Variants in CUL2 observed in about 807,000 individuals in gnomAD.
CUL2 encodes cullin 2.
CUL2 carries 22 observed loss-of-function variants against 110.2 expected under a neutral mutation model. The observed-to-expected ratio is 0.20, with a 90% CI of 0.14 to 0.28. The LOEUF is 0.28. Among genes scored for constraint, CUL2 ranks in the 10% least tolerant of loss-of-function variants. CUL2 has a pLI of 1.00. For synonymous variants in CUL2, 279 were observed against 293.2 expected (o/e 0.95, Z 0.49); for missense variants, 631 against 905.5 (o/e 0.70, Z 3.89).
In CUL2 at chr10:35,035,201, G is replaced by C. The variant is rs769857219; in HGVS notation, c.973C>G (p.Arg325Gly). The change falls in exon 10 of 21, where the codon CGA becomes GGA. Residue 325 changes from arginine (R) to glycine (G), a missense_variant. Physicochemically the swap from Arg to Gly is moderately radical, Grantham distance 125 (BLOSUM62 -2). Transcript: ENST00000374749. ...LQNHIHDEGL[R>G]ATSNLTQENM... Reference sequence around the variant, plus strand: ...TCCTGAGTAAGGTTGCTGGTTGCTCGAAGGCCCTCATCATGGATGTGGTTT... The same window carrying C: ...TCCTGAGTAAGGTTGCTGGTTGCTCCAAGGCCCTCATCATGGATGTGGTTT... The C allele has an allele frequency of 6.2e-7, 1 of 1,614,154 alleles. No individual in the cohort carries two copies. The highest frequency in any genetic ancestry group is 1.7e-4 in the Middle Eastern group (1 of 6,060).
chr10:35,105,439 CA>C (rs1474268639), intron 1 of CUL2, among the ~76,000 whole-genome samples: 2 of 143,012 alleles, frequency 1.4e-5, no homozygotes, highest in Non-Finnish European at 3.1e-5. Context: ...AAACAAAAAA[CA>C]AAAAACTAAG....
At chr10:35,030,550 CTT>C (rs2085454737) in intron 14 of CUL2, among the ~76,000 whole-genome samples, 1 of 152,026 alleles carries the variant, frequency 6.6e-6, no homozygotes, top group South Asian at 2.1e-4. Context: ...GCCCAGCTAA[CTT>C]TTGTATTTTT....
rs564434981 is a variant in CUL2, at chr10:35,051,143, A to G, written c.424-1378T>C. ...ATCCTGGCTAACAGGGTGAAACCCC[A>G]TCTCTACTAAAAATACAAAAAATTA... On this transcript the variant is annotated intron_variant, in intron 5 of 20. Transcript: ENST00000374749. Among the ~76,000 whole-genome samples, 12 of 143,718 alleles carry G rather than the reference A, an allele frequency of 8.3e-5. No individual in the cohort carries two copies. In the East Asian group the frequency reaches 8.6e-4, roughly 10 times the overall value. 94.3% of individuals were successfully genotyped at this position (143,718 alleles called of 152,430 possible). A position where few individuals can be genotyped will look rare whatever the true frequency, so the allele number is the denominator to read the frequency against.
At chr10:35,115,846 T>C (rs867744645) in intron 1 of CUL2, among the ~76,000 whole-genome samples, 3 of 151,870 alleles carry the variant, frequency 2.0e-5, no homozygotes, top group Admixed American at 6.6e-5. Flanking sequence ...TGAGCCGAGA[T>C]TGCGCCACTG....
At chr10:35,105,489 G>A (rs540632775) in intron 1 of CUL2, among the ~76,000 whole-genome samples, 1 of 150,218 alleles carries the variant, frequency 6.7e-6, no homozygotes, top group East Asian at 2.0e-4. Flanking sequence ...CAGTAATCCC[G>A]CACTTTGGGA....
chr10:35,061,631 T>C (rs1308189683), intron 3 of CUL2, among the ~76,000 whole-genome samples: 3 of 152,210 alleles, frequency 2.0e-5, no homozygotes, highest in African/African-American at 7.2e-5. Flanking sequence ...ACACACTTGC[T>C]ATCAAAAGCA....
chr10:35,044,281 T>C (rs1187609884), intron 8 of CUL2, among the ~76,000 whole-genome samples: 1 of 152,134 alleles, frequency 6.6e-6, no homozygotes, highest in Non-Finnish European at 1.5e-5. Context: ...CTGATTATTC[T>C]GCCAAGAATG....
At chr10:35,050,572 T>C (rs988519309) in intron 5 of CUL2, among the ~76,000 whole-genome samples, 2 of 152,210 alleles carry the variant, frequency 1.3e-5, no homozygotes, top group Admixed American at 6.5e-5. Flanking sequence ...TCATTACCAT[T>C]GTCCCAGATA....
At chr10:35,123,935 T>C (rs1378666097) in intron 1 of CUL2, among the ~76,000 whole-genome samples, 2 of 152,226 alleles carry the variant, frequency 1.3e-5, no homozygotes, top group Non-Finnish European at 2.9e-5. Flanking sequence ...TAGAAGATGA[T>C]GTCCAAGGAC....
chr10:35,077,817 CAAAA>C (rs200796040), intron 1 of CUL2, among the ~76,000 whole-genome samples: 1 of 107,128 alleles, frequency 9.3e-6, no homozygotes, highest in South Asian at 2.8e-4. Flanking sequence ...AACTCCGTCT[CAAAA>C]AAAAAAAAAG....
chr10:35,084,543 C>T (rs2087015561), intron 1 of CUL2, among the ~76,000 whole-genome samples: 1 of 152,252 alleles, frequency 6.6e-6, no homozygotes, highest in South Asian at 2.1e-4. Flanking sequence ...GAAATCTATA[C>T]ATTCTTAAAG....
chr10:35,085,386 C>T (rs1453403388), intron 1 of CUL2, among the ~76,000 whole-genome samples: 3 of 147,146 alleles, frequency 2.0e-5, no homozygotes, highest in Admixed American at 1.4e-4. Flanking sequence ...GCTGAGATCG[C>T]GCCACTGCGC....
chr10:35,091,652 C>G (rs1302669928), upstream of CUL2, among the ~76,000 whole-genome samples: 1 of 151,808 alleles, frequency 6.6e-6, no homozygotes, highest in African/African-American at 2.4e-5. Context: ...GAGTCTTGCT[C>G]TGTCACCCAG....
At chr10:35,085,316 G>C (rs1365783948) in intron 1 of CUL2, among the ~76,000 whole-genome samples, 1 of 151,790 alleles carries the variant, frequency 6.6e-6, no homozygotes, top group Non-Finnish European at 1.5e-5. Context: ...TGTAGTCCCA[G>C]CTACTTTGGA....
In CUL2 at chr10:35,016,174, T is replaced by A. The variant is rs1277005189; in HGVS notation, c.1887+18A>T. ...TAATGCTGATGATGCTTAAATTCTT[T>A]GGAATATTACTACATACCTTTTCTG... On this transcript the variant is annotated intron_variant, in intron 18 of 20. Coordinates refer to ENST00000374749, the MANE Select transcript of CUL2 (RefSeq NM_003591.4). The A allele has an allele frequency of 9.4e-6, 15 of 1,593,904 alleles. No individual in the cohort carries two copies. Among genetic ancestry groups the A allele is most frequent in the Non-Finnish European group, 1.2e-5 (14 of 1,164,938 alleles).
At chr10:35,085,696 C>CAAA (rs1263412257) in intron 1 of CUL2, among the ~76,000 whole-genome samples, 11 of 55,702 alleles carry the variant, frequency 2.0e-4, no homozygotes, top group African/African-American at 3.0e-4. Flanking sequence ...GACTCTGTCT[C>CAAA]AAAAAAAAAA....
At chr10:35,074,318 TC>T (rs141890709) in intron 1 of CUL2, 354 of 812,024 alleles carry the variant, frequency 4.4e-4, no homozygotes, top group Non-Finnish European at 6.2e-4. Flanking sequence ...CTCCTGGTAC[TC>T]CCTACTGTGA....
chr10:35,025,250 T>C (rs770734874), intron 16 of CUL2, 52 bp from the exon 17 acceptor site: 1 of 1,522,478 alleles, frequency 6.6e-7, no homozygotes, highest in Non-Finnish European at 8.8e-7. Context: ...ATAACTTGCC[T>C]AGTTAATTAA....
intron 5 of CUL2, among the ~76,000 whole-genome samples, chr10:35,054,152 G>A (rs2086184181): frequency 6.6e-6 from 1 of 151,948 alleles, no homozygotes; most frequent in South Asian, 2.1e-4. Flanking sequence ...TTAACTACAG[G>A]GCCGTCAACA....
Sources: gnomAD v4.1 joint callset for allele counts (sites outside exome capture counted in the v4.1 genomes callset) on GRCh38, gnomAD v4.1.1 for gene constraint, MANE v1.5 for transcripts, NCBI Gene and HGNC (gene_info 2026-07-23, HGNC 2026-07-21) for gene names.